PIGN: variants seen among roughly 807,000 people sequenced by gnomAD.
PIGN encodes the protein GPI ethanolamine phosphate transferase 1.
PIGN carries 117 observed loss-of-function variants against 125.4 expected under a neutral mutation model. The observed-to-expected ratio is 0.93, with a 90% CI of 0.80 to 1.09. PIGN has a LOEUF of 1.09. PIGN is among the 50% of genes least tolerant of loss of function. The pLI, the probability that PIGN is intolerant of heterozygous loss-of-function variation, is 0.00. For missense variants in PIGN, 1,075 were observed against 1,094.9 expected, an observed-to-expected ratio of 0.98 and a Z score of 0.26; for synonymous variants, 392 against 377.8, an observed-to-expected ratio of 1.04 and a Z score of -0.44.
intron 17 of PIGN, chr18:62,107,323 A>G (rs1418065815): frequency 2.4e-5 from 10 of 424,434 alleles, no homozygotes; most frequent in African/African-American, 4.0e-5. Flanking sequence ...AGCCAGGTGC[A>G]GTGGCTCAGG....
intron 24 of PIGN, among the ~76,000 whole-genome samples, chr18:62,089,550 T>C (rs1175799964): frequency 6.6e-6 from 1 of 152,160 alleles, no homozygotes; most frequent in Non-Finnish European, 1.5e-5. Context: ...ACAATAATCC[T>C]CAGCCTGACA....
intron 16 of PIGN, chr18:62,110,175 C>T: frequency 2.3e-6 from 1 of 437,058 alleles, no homozygotes; most frequent in East Asian, 3.5e-5. Context: ...CCTAGATAAC[C>T]TGGAATTGCT....
intron 1 of PIGN, among the ~76,000 whole-genome samples, chr18:62,170,268 C>T (rs1373729678): frequency 6.6e-6 from 1 of 152,166 alleles, no homozygotes; most frequent in Non-Finnish European, 1.5e-5. Flanking sequence ...TTGTGCTTTA[C>T]TTGATTGCTC....
intron 23 of PIGN, among the ~76,000 whole-genome samples, chr18:62,033,101 G>A (rs762052351): frequency 9.9e-5 from 15 of 152,246 alleles, no homozygotes; most frequent in Non-Finnish European, 1.2e-4. Context: ...CATCATTGCA[G>A]TTTCCTTGGA....
In PIGN at chr18:62,152,861, T is replaced by C. The variant is rs9955248; in HGVS notation, c.549+1684A>G. ...AAATTCTGTATTTTGCATATATATA[T>C]ATATATATTTTTTTTTTTAACCACA... is the stretch of plus-strand genomic sequence containing the variant. On this transcript the variant is annotated intron_variant, in intron 7 of 30. Coordinates refer to ENST00000640252, the MANE Select transcript of PIGN (RefSeq NM_176787.5). 6.4e-3 allele frequency among the ~76,000 whole-genome samples: 162 copies of C among 25,158 alleles called. 3 individuals carry two copies. The East Asian group carries it at 0.17, about 27-fold the overall frequency. The allele number at this position is 25,158 out of a possible 152,430, so 16.5% of individuals were successfully genotyped here.
At chr18:62,119,633 C>T (rs2035221210) in intron 14 of PIGN, among the ~76,000 whole-genome samples, 1 of 152,000 alleles carries the variant, frequency 6.6e-6, no homozygotes, top group Admixed American at 6.6e-5. Flanking sequence ...CACTTGAGGT[C>T]AGGAGTTTGA....
At chr18:62,103,477 T>A (rs548724968) in intron 20 of PIGN, 1 of 152,290 alleles carries the variant, frequency 6.6e-6, no homozygotes, top group Non-Finnish European at 1.5e-5. Context: ...GGTGAGGCAT[T>A]TGTACAGTAA....
intron 1 of PIGN, among the ~76,000 whole-genome samples, chr18:62,169,091 A>T (rs1163470754): frequency 6.6e-6 from 1 of 152,084 alleles, no homozygotes; most frequent in Non-Finnish European, 1.5e-5. Flanking sequence ...CCTGGCTTCA[A>T]GTGATCTGCC....
intron 30 of PIGN, among the ~76,000 whole-genome samples, chr18:62,071,584 G>T (rs2032849407): frequency 6.6e-6 from 1 of 151,842 alleles, no homozygotes; most frequent in Non-Finnish European, 1.5e-5. Flanking sequence ...ACCACATAAT[G>T]ATGTTTTAGT....
In PIGN at chr18:62,043,804, A is replaced by G. The variant is rs963104858; in HGVS notation, c.*2052T>C. ...TTCACAACTTGTTCTGCCTATTTTA[A>G]TTCTTATAACAATTCCTAATTTAAA... On this transcript the variant is annotated 3_prime_UTR_variant, in exon 31 of 31. Coordinates refer to ENST00000640252, the MANE Select transcript of PIGN (RefSeq NM_176787.5). 1 of 152,194 alleles carries G rather than the reference A, an allele frequency of 6.6e-6. No homozygotes were observed. Among genetic ancestry groups the G allele is most frequent in the East Asian group, 1.9e-4 (1 of 5,196 alleles). 9.4% of individuals were successfully genotyped at this position (152,194 alleles called of 1,614,324 possible).
intron 19 of PIGN, among the ~76,000 whole-genome samples, chr18:62,106,247 T>C (rs1348693654): frequency 2.6e-5 from 4 of 152,196 alleles, no homozygotes; most frequent in Non-Finnish European, 5.9e-5. Flanking sequence ...CTGCTACTTC[T>C]ATCAAAAAGT....
intron 1 of PIGN, among the ~76,000 whole-genome samples, chr18:62,164,800 G>A (rs968065319): frequency 6.6e-6 from 1 of 152,186 alleles, no homozygotes; most frequent in African/African-American, 2.4e-5. Flanking sequence ...GCAGATTGTA[G>A]TGGGTAAAGA....
chr18:62,020,854 G>C (rs1009061846), intron 23 of PIGN, among the ~76,000 whole-genome samples: 2 of 151,658 alleles, frequency 1.3e-5, no homozygotes, highest in African/African-American at 2.4e-5. Context: ...CCAGCTACTC[G>C]GGAGACTGAG....
At chr18:62,167,964 C>A (rs2037213894) in intron 1 of PIGN, among the ~76,000 whole-genome samples, 1 of 152,068 alleles carries the variant, frequency 6.6e-6, no homozygotes, top group Non-Finnish European at 1.5e-5. Context: ...GAGGCCAAGG[C>A]TGGTGGATCA....
At chr18:62,099,618 C>T (rs1438782644) in intron 22 of PIGN, among the ~76,000 whole-genome samples, 1 of 152,004 alleles carries the variant, frequency 6.6e-6, no homozygotes, top group African/African-American at 2.4e-5. Context: ...GAAACAGACA[C>T]ATAGATGAAT....
chr18:62,186,986 C>G lies in PIGN; in HGVS notation c.-378G>C, dbSNP rs2038090154. On this transcript the variant is annotated 5_prime_UTR_variant, in exon 1 of 31. Coordinates refer to ENST00000640252, the MANE Select transcript of PIGN (RefSeq NM_176787.5). ...CCGGGAGGGTATTCCTAAGCCACCA[C>G]TACAACCACCCCTCAATTCCGGAAC... The G allele has an allele frequency of 6.6e-6, 1 of 152,630 alleles. No individual in the cohort carries two copies. Among genetic ancestry groups the G allele is most frequent in the African/African-American group, 2.4e-5 (1 of 41,458 alleles). 9.5% of individuals were successfully genotyped at this position (152,630 alleles called of 1,614,324 possible). A position where few individuals can be genotyped will look rare whatever the true frequency, so the allele number is the denominator to read the frequency against.
intron 23 of PIGN, among the ~76,000 whole-genome samples, chr18:62,021,694 T>C (rs2030056451): frequency 6.6e-6 from 1 of 152,204 alleles, no homozygotes; most frequent in South Asian, 2.1e-4. Context: ...GGTTGTCAAG[T>C]GTACACCTTT....
At chr18:62,165,589 G>T (rs1410096274) in intron 1 of PIGN, among the ~76,000 whole-genome samples, 1 of 152,168 alleles carries the variant, frequency 6.6e-6, no homozygotes. Flanking sequence ...AGCTCGAGAT[G>T]CCATAATAAG....
intron 1 of PIGN, among the ~76,000 whole-genome samples, chr18:62,167,190 T>A (rs199842452): frequency 9.6e-5 from 7 of 73,166 alleles, no homozygotes; most frequent in African/African-American, 3.5e-4. Context: ...GCAGGAGCGC[T>A]CTCTCTCTCT....
Sources: allele counts gnomAD v4.1 joint callset (sites outside exome capture counted in the v4.1 genomes callset), GRCh38; gene constraint gnomAD v4.1.1; transcripts MANE v1.5; gene names NCBI Gene and HGNC (gene_info 2026-07-23, HGNC 2026-07-21).